The following MOB3C variants were observed in gnomAD, a reference collection of about 807,000 sequenced individuals.
MOB3C encodes MOB1, Mps One Binder kinase activator-like 2C.
MOB3C carries 17 observed loss-of-function variants against 19.8 expected under a neutral mutation model. That is an observed-to-expected ratio of 0.86 (90% CI 0.59 to 1.29). The LOEUF (loss-of-function observed/expected upper bound fraction) is 1.29. MOB3C is among the 50% of genes most tolerant of loss of function. MOB3C has a pLI of 0.00. For missense variants in MOB3C, 291 were observed against 301.9 expected (o/e 0.96, Z 0.27); for synonymous variants, 101 against 119.2 (o/e 0.85, Z 0.99).
chr1:46,612,955 C>G lies in MOB3C; in HGVS notation c.367G>C (p.Asp123His). ...TCGTTGATGAGGCCTTCGATCCAGT[C>G]CATGAGCAATGCCATATAGCGCGGC... ...SAPRYMALLM[D>H]WIEGLINDEE... is the part of the protein sequence containing the mutation. The change falls in exon 2 of 4, where the codon GAC (aspartate) becomes CAC (histidine). Residue 123 changes from aspartate (D) to histidine (H), a missense_variant. Asp to His is a moderately conservative substitution (Grantham distance 81, BLOSUM62 -1). Transcript: ENST00000319928. 1 of 1,594,356 alleles carries G rather than the reference C, an allele frequency of 6.3e-7. No homozygotes were observed.
At position 46,609,495 on chromosome 1, in the gene MOB3C, G is replaced by A. The variant is rs747014573; in HGVS notation, c.*160C>T. 18 of 882,148 alleles carry A rather than the reference G, an allele frequency of 2.0e-5. No individual in the cohort carries two copies. The highest frequency in any genetic ancestry group is 2.6e-5 in the Non-Finnish European group (14 of 543,642). 54.6% of individuals were successfully genotyped at this position (882,148 alleles called of 1,614,324 possible). A position where few individuals can be genotyped will look rare whatever the true frequency, so the allele number is the denominator to read the frequency against. On this transcript the variant is annotated 3_prime_UTR_variant, in exon 4 of 4. Coordinates refer to ENST00000319928, the MANE Select transcript of MOB3C (RefSeq NM_201403.3). ...TTCTCCATCCACAAGCGGTCAGGGC[G>A]ACAGGTAGGCAGACTCCTGAGAACC...
At chr1:46,612,035 G>T (rs1484586514) in intron 2 of MOB3C, among the ~76,000 whole-genome samples, 2 of 152,194 alleles carry the variant, frequency 1.3e-5, no homozygotes, top group African/African-American at 4.8e-5. Flanking sequence ...ACAGTGTCAT[G>T]CCTGCTCAGC....
rs1320451596 is a variant in MOB3C at position 46,612,733 on chromosome 1, AG to A, written c.418+170del. Among the ~76,000 whole-genome samples the A allele has an allele frequency of 2.0e-5, 3 of 152,270 alleles. No individual in the cohort carries two copies. The East Asian group carries it at 5.8e-4, about 29-fold the overall frequency. ...CCCAAATTGGGAGTCAGGAAGTCCT[AG>A]CAAATGCTTGACCTTGAGCAAGGCA... On this transcript the variant is annotated intron_variant, in intron 2 of 3. Coordinates refer to ENST00000319928, the MANE Select transcript of MOB3C (RefSeq NM_201403.3).
rs1270533552 is a variant in MOB3C, at chr1:46,609,155, C to T, written c.*500G>A. The T allele has an allele frequency of 4.8e-6, 1 of 206,580 alleles. No homozygotes were observed. Among genetic ancestry groups the T allele is most frequent in the African/African-American group, 2.4e-5 (1 of 42,384 alleles). 12.8% of individuals were successfully genotyped at this position (206,580 alleles called of 1,614,324 possible). ...GGTCCCAATCTATTTATCCATCCAT[C>T]CAACATTTATGGAAGGCCTACTATG... is the stretch of plus-strand genomic sequence containing the variant. On this transcript the variant is annotated 3_prime_UTR_variant, in exon 4 of 4. Coordinates refer to ENST00000319928, the MANE Select transcript of MOB3C (RefSeq NM_201403.3).
At chr1:46,609,752 A>T in intron 3 of MOB3C, 68 bp from the exon 4 acceptor site, 1 of 1,592,756 alleles carries the variant, frequency 6.3e-7, no homozygotes, top group Non-Finnish European at 8.6e-7. Context: ...TTCCCAAACC[A>T]TAGGGCCTAG....
rs991235567 is a variant in MOB3C, at chr1:46,612,818, C to T, written c.418+86G>A. The T allele has an allele frequency of 2.1e-5, 28 of 1,345,250 alleles. 1 individual carries two copies. In the South Asian group the frequency reaches 4.0e-4, roughly 19 times the overall value. The allele number at this position is 1,345,250 out of a possible 1,614,324, so 83.3% of individuals were successfully genotyped here. A position where few individuals can be genotyped will look rare whatever the true frequency, so the allele number is the denominator to read the frequency against. The stretch of plus-strand genomic sequence containing the variant: ...CAAAATGGGGATGAAAATCAACCCC[C>T]AACCCTGCAGAGTGTCTATATCAAA... On this transcript the variant is annotated intron_variant, in intron 2 of 3. Coordinates refer to ENST00000319928, the MANE Select transcript of MOB3C (RefSeq NM_201403.3).
Position 46,609,515 on chromosome 1 carries a change from A to C in MOB3C, c.*140T>G. ...AGGGCGACAGGTAGGCAGACTCCTG[A>C]GAACCAGAAGTCCAGAGGCTTTGGG... On this transcript the variant is annotated 3_prime_UTR_variant, in exon 4 of 4. Coordinates refer to ENST00000319928, the MANE Select transcript of MOB3C (RefSeq NM_201403.3). 1.8e-6 allele frequency: 2 copies of C among 1,083,260 alleles called. No individual in the cohort carries two copies. Among genetic ancestry groups the C allele is most frequent in the Non-Finnish European group, 2.8e-6 (2 of 717,852 alleles). 67.1% of individuals were successfully genotyped at this position (1,083,260 alleles called of 1,614,324 possible).
chr1:46,609,469 C>G lies in MOB3C; in HGVS notation c.*186G>C. 1.4e-6 allele frequency: 1 copy of G among 711,752 alleles called. No homozygotes were observed. Among genetic ancestry groups the G allele is most frequent in the Non-Finnish European group, 2.5e-6 (1 of 405,814 alleles). 44.1% of individuals were successfully genotyped at this position (711,752 alleles called of 1,614,324 possible). A position where few individuals can be genotyped will look rare whatever the true frequency, so the allele number is the denominator to read the frequency against. ...TGTTTGCCTGCCTAGATGCTCTCCCCTTCTCCATCCACAAGCGGTCAGGGC... is the reference window on the plus strand; with the variant it reads ...TGTTTGCCTGCCTAGATGCTCTCCCGTTCTCCATCCACAAGCGGTCAGGGC... On this transcript the variant is annotated 3_prime_UTR_variant, in exon 4 of 4. Transcript: ENST00000319928.
chr1:46,616,530 A>G (rs1394139810), intron 1 of MOB3C, 181 bp downstream of exon 1: 2 of 43,564 alleles, frequency 4.6e-5, no homozygotes, highest in African/African-American at 1.8e-4. Context: ...CCACCCCGAC[A>G]ATCCCCCCCG....
chr1:46,610,978 C>T (rs544126287), intron 2 of MOB3C, among the ~76,000 whole-genome samples: 6 of 152,310 alleles, frequency 3.9e-5, no homozygotes, highest in South Asian at 2.1e-4. Flanking sequence ...TCCAGCAGGA[C>T]GCTGCTCAAG....
At position 46,609,378 on chromosome 1, in the gene MOB3C, A is replaced by G. The variant is rs924542399; in HGVS notation, c.*277T>C. On this transcript the variant is annotated 3_prime_UTR_variant, in exon 4 of 4. Transcript: ENST00000319928. Reference sequence around the variant, plus strand: ...CCAGCATGGAAGGGTCAAGTGTCATAGAAGAAACCCCCTAGCCTACCCTAC... The same window carrying G: ...CCAGCATGGAAGGGTCAAGTGTCATGGAAGAAACCCCCTAGCCTACCCTAC... 3 of 544,236 alleles carry G rather than the reference A, an allele frequency of 5.5e-6. No homozygotes were observed. Among genetic ancestry groups the G allele is most frequent in the Non-Finnish European group, 1.0e-5 (3 of 301,450 alleles). The allele number at this position is 544,236 out of a possible 1,614,324, so 33.7% of individuals were successfully genotyped here.
At position 46,615,397 on chromosome 1, in the gene MOB3C, AAC is replaced by A. The variant is rs111464029; in HGVS notation, c.-51+1312_-51+1313del. On this transcript the variant is annotated intron_variant, in intron 1 of 3. Transcript: ENST00000319928. ...CCTCCTCCCACAGCCTCCTCTCCTG[AAC>A]TCAGATCTCCTTCTCCTTGGGTAGA... is the stretch of plus-strand genomic sequence containing the variant. The A allele has an allele frequency of 5.6e-3, 1,816 of 326,086 alleles. 22 individuals carry two copies. The highest frequency in any genetic ancestry group is 0.035 in the African/African-American group (1,662 of 47,718). 20.2% of individuals were successfully genotyped at this position (326,086 alleles called of 1,614,324 possible).
Position 46,613,256 on chromosome 1 carries a change from C to G in MOB3C, c.66G>C (p.Glu22Asp), listed in dbSNP as rs1266868825. The part of the protein sequence containing the change: ...DKTFRPRKRF[E>D]PGTQRFELYK... Reference sequence around the variant, plus strand: ...ACAGCTCAAAGCGCTGTGTGCCCGGCTCAAAGCGCTTCCGCGGCCGGAACG... The same window carrying G: ...ACAGCTCAAAGCGCTGTGTGCCCGGGTCAAAGCGCTTCCGCGGCCGGAACG... The change falls in exon 2 of 4, where the codon GAG becomes GAC. Residue 22 changes from glutamate to aspartate, a missense_variant. Transcript: ENST00000319928. The G allele has an allele frequency of 2.5e-6, 4 of 1,613,746 alleles. No homozygotes were observed. Among genetic ancestry groups the G allele is most frequent in the Non-Finnish European group, 3.4e-6 (4 of 1,180,046 alleles).
At chr1:46,612,461 C>T (rs1414202476) in intron 2 of MOB3C, among the ~76,000 whole-genome samples, 3 of 151,934 alleles carry the variant, frequency 2.0e-5, no homozygotes, top group Admixed American at 6.6e-5. Context: ...GTCAGGTGTT[C>T]GAGATCAGCC....
chr1:46,607,973 C>T lies in MOB3C; in HGVS notation c.*1682G>A, dbSNP rs576103266. 2 of 152,316 alleles carry T rather than the reference C, an allele frequency of 1.3e-5. No individual in the cohort carries two copies. Among genetic ancestry groups the T allele is most frequent in the African/African-American group, 4.8e-5 (2 of 41,564 alleles). The allele number at this position is 152,316 out of a possible 1,614,324, so 9.4% of individuals were successfully genotyped here. A position where few individuals can be genotyped will look rare whatever the true frequency, so the allele number is the denominator to read the frequency against. On this transcript the variant is annotated 3_prime_UTR_variant, in exon 4 of 4. Coordinates refer to ENST00000319928, the MANE Select transcript of MOB3C (RefSeq NM_201403.3). ...AGGCCCAGCTGGCTGGGCCCAAGAG[C>T]TCCATCTGTTTCCCCAAAGTACAGG...
Position 46,610,055 on chromosome 1 carries a change from A to G in MOB3C, c.568T>C (p.Tyr190His). Residue 190 changes from tyrosine (Y) to histidine (H), a missense_variant, in exon 3 of 4, where the codon TAC becomes CAC. By Grantham distance (83) the Tyr-to-His change is moderately conservative. Transcript: ENST00000319928. ...AHVNTCYKHFYYFIREFSLVD... is the reference protein window; with the variant it reads ...AHVNTCYKHFHYFIREFSLVD... ...AGACTGAACTCGCGGATGAAGTAGT[A>G]GAAGTGCTTGTAGCAGGTGTTGACG... 1 of 1,614,262 alleles carries G rather than the reference A, an allele frequency of 6.2e-7. No individual in the cohort carries two copies. The highest frequency in any genetic ancestry group is 1.7e-5 in the Admixed American group (1 of 60,036).
chr1:46,613,116 T>C lies in MOB3C; in HGVS notation c.206A>G (p.Asn69Ser), dbSNP rs1675501525. 6 of 1,614,228 alleles carry C rather than the reference T, an allele frequency of 3.7e-6. No homozygotes were observed. Among genetic ancestry groups the C allele is most frequent in the Non-Finnish European group, 4.2e-6 (5 of 1,180,032 alleles). Reference sequence around the variant, plus strand: ...AGTGCCGTAGATGAGGTTGATGCGGTTGAAGAAGTCCACCACGTGCACGGC... The same window carrying C: ...AGTGCCGTAGATGAGGTTGATGCGGCTGAAGAAGTCCACCACGTGCACGGC... The part of the protein sequence containing the change: ...WIAVHVVDFF[N>S]RINLIYGTMA... The change falls in exon 2 of 4, where the codon AAC becomes AGC. Residue 69 changes from asparagine to serine, a missense_variant. By Grantham distance (46) the Asn-to-Ser change is conservative. Coordinates refer to ENST00000319928, the MANE Select transcript of MOB3C (RefSeq NM_201403.3).
intron 1 of MOB3C, chr1:46,613,799 A>AG (rs1675516969): frequency 7.9e-6 from 1 of 125,942 alleles, no homozygotes; most frequent in African/African-American, 3.1e-5. Flanking sequence ...GGCAGGGTGG[A>AG]GGGGGGTCGG....
chr1:46,612,682 G>A (rs1206338600), intron 2 of MOB3C, among the ~76,000 whole-genome samples: 21 of 147,706 alleles, frequency 1.4e-4, no homozygotes, highest in African/African-American at 3.2e-4. Flanking sequence ...AAGAAAGAAA[G>A]AAAGAAAAAG....
Sources: gnomAD v4.1 joint callset for allele counts (sites outside exome capture counted in the v4.1 genomes callset) on GRCh38, gnomAD v4.1.1 for gene constraint, MANE v1.5 for transcripts, NCBI Gene and HGNC (gene_info 2026-07-23, HGNC 2026-07-21) for gene names.